The following TCF12 variants were observed in gnomAD, a reference collection of about 807,000 sequenced individuals.
TCF12 encodes the protein transcription factor 12.
In TCF12, 45 loss-of-function variants were observed where a neutral mutation model predicts 86.0. The observed-to-expected ratio is 0.52, with a 90% CI of 0.41 to 0.67. The LOEUF (loss-of-function observed/expected upper bound fraction) is 0.67, where lower values mean the gene tolerates loss of function less well. Ranked by LOEUF, TCF12 falls within the 30% of genes least tolerant of loss-of-function variation. The probability of loss-of-function intolerance (pLI) is 0.00; values close to 1 mark genes in which losing one functional copy is unlikely to be tolerated. For missense variants in TCF12, 881 were observed against 859.9 expected (o/e 1.02, Z -0.31); for synonymous variants, 330 against 299.6 (o/e 1.10, Z -1.05).
At chr15:56,943,246 A>C (rs2060857184) in intron 3 of TCF12, among the ~76,000 whole-genome samples, 1 of 152,218 alleles carries the variant, frequency 6.6e-6, no homozygotes, top group Non-Finnish European at 1.5e-5. Flanking sequence ...TATTGAGCCC[A>C]TACTGATTTT....
chr15:56,945,995 A>G (rs1179702498), intron 3 of TCF12, among the ~76,000 whole-genome samples: 2 of 152,150 alleles, frequency 1.3e-5, no homozygotes, highest in Admixed American at 6.5e-5. Flanking sequence ...TAGCACCTTA[A>G]TGTTGGACTT....
chr15:56,960,430 A>AT (rs5812861), intron 3 of TCF12, among the ~76,000 whole-genome samples: 1,371 of 128,590 alleles, frequency 0.011, 32 homozygotes, highest in East Asian at 0.093. Flanking sequence ...ACTGTATTGT[A>AT]TTTTTTTTTT....
At chr15:57,148,355 A>G (rs1372335767) in intron 5 of TCF12, among the ~76,000 whole-genome samples, 2 of 151,374 alleles carry the variant, frequency 1.3e-5, no homozygotes, top group East Asian at 4.0e-4. Context: ...GGAGGCTGGA[A>G]TGAGCTATGA....
chr15:57,112,298 C>G (rs2050547064), intron 5 of TCF12, among the ~76,000 whole-genome samples: 1 of 152,192 alleles, frequency 6.6e-6, no homozygotes. Context: ...TGATCTAAGA[C>G]TGTAGTGCAA....
At chr15:56,951,038 G>A (rs1266533573) in intron 3 of TCF12, among the ~76,000 whole-genome samples, 2 of 151,944 alleles carry the variant, frequency 1.3e-5, no homozygotes, top group Non-Finnish European at 2.9e-5. Flanking sequence ...TTACAGATAC[G>A]AGCCACTGCG....
At chr15:56,938,637 G>A (rs1200198051) in intron 3 of TCF12, among the ~76,000 whole-genome samples, 4 of 134,842 alleles carry the variant, frequency 3.0e-5, no homozygotes, top group African/African-American at 8.8e-5. Flanking sequence ...TGTCTGGTCC[G>A]AGACTTTTTT....
intron 4 of TCF12, among the ~76,000 whole-genome samples, chr15:57,088,512 C>G (rs1366362020): frequency 1.0e-5 from 1 of 98,346 alleles, no homozygotes; most frequent in Non-Finnish European, 2.1e-5. Context: ...TTTTTTTTTT[C>G]TTTAAACTGT....
chr15:56,995,795 C>G (rs1472622421), intron 3 of TCF12, among the ~76,000 whole-genome samples: 1 of 152,004 alleles, frequency 6.6e-6, no homozygotes, highest in African/African-American at 2.4e-5. Flanking sequence ...TTGCTGTTGC[C>G]TGATTGCTCT....
At chr15:56,938,675 A>G (rs894641693) in intron 3 of TCF12, among the ~76,000 whole-genome samples, 4 of 85,658 alleles carry the variant, frequency 4.7e-5, no homozygotes. Context: ...TAATTTTTTT[A>G]TTACCATTTC....
intron 3 of TCF12, among the ~76,000 whole-genome samples, chr15:56,994,671 A>G (rs1417442524): frequency 6.6e-6 from 1 of 152,138 alleles, no homozygotes; most frequent in East Asian, 1.9e-4. Context: ...AGAAAAAACA[A>G]TTTGTTCAGT....
At chr15:57,078,127 A>G (rs1223061211) in intron 4 of TCF12, among the ~76,000 whole-genome samples, 1 of 152,176 alleles carries the variant, frequency 6.6e-6, no homozygotes, top group African/African-American at 2.4e-5. Context: ...CCAGTTATCA[A>G]TATGTTTCAT....
intron 12 of TCF12, among the ~76,000 whole-genome samples, chr15:57,235,501 G>A (rs373451668): frequency 1.2e-4 from 19 of 152,108 alleles, no homozygotes; most frequent in South Asian, 2.1e-4. Context: ...CAGAAAGTGC[G>A]GTGCTGTGGT....
At chr15:57,237,901 C>T (rs975241333) in intron 12 of TCF12, among the ~76,000 whole-genome samples, 25 of 152,188 alleles carry the variant, frequency 1.6e-4, no homozygotes, top group African/African-American at 4.8e-4. Flanking sequence ...GCTGTGTTAT[C>T]ATGCTTTTCA....
At chr15:57,007,796 T>G (rs866343145) in intron 3 of TCF12, among the ~76,000 whole-genome samples, 1 of 136,696 alleles carries the variant, frequency 7.3e-6, no homozygotes, top group African/African-American at 3.0e-5. Context: ...CTTTCTCTCT[T>G]TCTTTCTTTC....
chr15:57,088,735 A>C (rs1459135257), intron 4 of TCF12, among the ~76,000 whole-genome samples: 3 of 152,154 alleles, frequency 2.0e-5, no homozygotes, highest in Non-Finnish European at 2.9e-5. Flanking sequence ...TCAGAATCTT[A>C]AGTTCTACCC....
chr15:57,219,886 C>A (rs2058507649), intron 8 of TCF12, among the ~76,000 whole-genome samples: 1 of 151,922 alleles, frequency 6.6e-6, no homozygotes, highest in Admixed American at 6.6e-5. Flanking sequence ...CCACCATGCC[C>A]AGCTAATTTT....
intron 18 of TCF12, among the ~76,000 whole-genome samples, chr15:57,268,833 CT>C (rs35111531): frequency 0.92 from 136,324 of 148,118 alleles, 63,459 homozygotes; most frequent in East Asian, 0.99. Flanking sequence ...CTGTTTACTT[CT>C]TTTTTTTTTT....
chr15:57,177,607 C>CGAGAGAGAGAGAGAGAGAGA (rs1567572655), intron 6 of TCF12, among the ~76,000 whole-genome samples: 5 of 5,000 alleles, frequency 1.0e-3, no homozygotes, highest in Admixed American at 2.2e-3. Flanking sequence ...TGTTAAAAGG[C>CGAGAGAGAGAGAGAGAGAGA]CAGAGAGAGA....
intron 8 of TCF12, among the ~76,000 whole-genome samples, chr15:57,223,233 G>A (rs1263995257): frequency 3.3e-5 from 5 of 151,936 alleles, no homozygotes; most frequent in Admixed American, 2.0e-4. Context: ...AGGTCTATCT[G>A]TCCCCCAAAA....
Sources: gnomAD v4.1 joint callset for allele counts (sites outside exome capture counted in the v4.1 genomes callset) on GRCh38, gnomAD v4.1.1 for gene constraint, MANE v1.5 for transcripts, NCBI Gene and HGNC (gene_info 2026-07-23, HGNC 2026-07-21) for gene names.